Variants in HSD17B12 observed in about 807,000 individuals in gnomAD.
HSD17B12 encodes hydroxysteroid 17-beta dehydrogenase 12.
A neutral mutation model predicts 39.3 loss-of-function variants in HSD17B12; 32 were observed. The observed-to-expected ratio is 0.81, with a 90% CI of 0.61 to 1.09. The LOEUF is 1.09. HSD17B12 is among the 50% of genes least tolerant of loss of function. HSD17B12 has a pLI of 0.00. For synonymous variants in HSD17B12, 150 were observed against 146.7 expected (o/e 1.02, Z -0.16); for missense variants, 342 against 382.9 (o/e 0.89, Z 0.89).
chr11:43,777,104 C>T (rs918328237), intron 3 of HSD17B12, among the ~76,000 whole-genome samples: 2 of 152,060 alleles, frequency 1.3e-5, no homozygotes, highest in African/African-American at 4.8e-5. Flanking sequence ...TTTTTGGTTC[C>T]ATATGAATTT....
the HSD17B12 span, among the ~76,000 whole-genome samples, chr11:43,564,376 A>G: frequency 6.6e-6 from 1 of 152,226 alleles, no homozygotes; most frequent in African/African-American, 2.4e-5. Flanking sequence ...ATTTGCATAG[A>G]TTTGGGAAAT....
At chr11:43,659,192 C>G in the HSD17B12 span, among the ~76,000 whole-genome samples, 1 of 152,236 alleles carries the variant, frequency 6.6e-6, no homozygotes, top group Non-Finnish European at 1.5e-5. Flanking sequence ...CCCTCTGAGC[C>G]ATGTGCGGGA....
intron 1 of HSD17B12, among the ~76,000 whole-genome samples, chr11:43,731,045 G>A (rs1258121792): frequency 6.6e-6 from 1 of 151,860 alleles, no homozygotes; most frequent in East Asian, 1.9e-4. Context: ...CACCCAGGCT[G>A]GAGTACAGTG....
intron 1 of HSD17B12, among the ~76,000 whole-genome samples, chr11:43,737,013 C>T (rs1350347217): frequency 6.6e-6 from 1 of 152,220 alleles, no homozygotes; most frequent in Non-Finnish European, 1.5e-5. Flanking sequence ...TACCACCCTC[C>T]TCCCAAAGCC....
the HSD17B12 span, chr11:43,581,278 G>C: frequency 2.2e-6 from 1 of 460,590 alleles, no homozygotes; most frequent in Non-Finnish European, 4.5e-6. The surrounding 1 kb of genome is among the most constrained non-coding windows in gnomAD (Gnocchi z 4.9). Flanking sequence ...GCAGCGCGCG[G>C]AGTGGTGAGA....
the HSD17B12 span, among the ~76,000 whole-genome samples, chr11:43,600,587 T>C: frequency 6.6e-6 from 1 of 152,182 alleles, no homozygotes; most frequent in Admixed American, 6.6e-5. Context: ...TATATTTTGG[T>C]GTATGAGCTT....
intron 1 of HSD17B12, among the ~76,000 whole-genome samples, chr11:43,718,310 C>T (rs935762772): frequency 1.3e-5 from 2 of 152,188 alleles, no homozygotes; most frequent in African/African-American, 2.4e-5. Context: ...CTTCCACGTG[C>T]AGAATATACT....
chr11:43,755,407 A>G (rs1950499660), intron 3 of HSD17B12: 1 of 152,392 alleles, frequency 6.6e-6, no homozygotes, highest in East Asian at 1.9e-4. Context: ...GATGCATGCA[A>G]GAAAGACTGG....
chr11:43,648,710 G>A, the HSD17B12 span, among the ~76,000 whole-genome samples: 1 of 151,764 alleles, frequency 6.6e-6, no homozygotes, highest in East Asian at 1.9e-4. Flanking sequence ...AAATGTATGT[G>A]TCTGGATTTG....
intron 1 of HSD17B12, among the ~76,000 whole-genome samples, chr11:43,711,682 C>G (rs917088920): frequency 2.0e-5 from 3 of 151,794 alleles, no homozygotes; most frequent in African/African-American, 7.3e-5. Flanking sequence ...GCCTTGTTGC[C>G]CAGGTTGGTC....
At chr11:43,741,734 C>CTTTTT (rs534584200) in intron 1 of HSD17B12, among the ~76,000 whole-genome samples, 7 of 130,496 alleles carry the variant, frequency 5.4e-5, no homozygotes, top group South Asian at 2.4e-4. Context: ...TTTTCTTTTT[C>CTTTTT]TTTTTTTTTT....
chr11:43,683,245 C>G (rs78685512), intron 1 of HSD17B12, among the ~76,000 whole-genome samples: 9 of 151,664 alleles, frequency 5.9e-5, no homozygotes, highest in African/African-American at 1.9e-4. Flanking sequence ...AAGATTTGGC[C>G]CCAGAGGAAG....
chr11:43,854,319 C>G (rs1203667073), intron 9 of HSD17B12: 1 of 158,910 alleles, frequency 6.3e-6, no homozygotes, highest in Non-Finnish European at 1.4e-5. Context: ...TGGCATTATC[C>G]CATTAGAAGA....
chr11:43,558,334 T>C, the HSD17B12 span, among the ~76,000 whole-genome samples: 2 of 152,160 alleles, frequency 1.3e-5, no homozygotes, highest in East Asian at 3.9e-4. Flanking sequence ...CCCGCGTCTT[T>C]CACCCAGAGC....
the HSD17B12 span, among the ~76,000 whole-genome samples, chr11:43,583,131 C>A: frequency 6.6e-6 from 1 of 152,184 alleles, no homozygotes. Context: ...TCTCCCAAAG[C>A]CTGAACCTTC....
At chr11:43,590,506 ATTTT>A in the HSD17B12 span, among the ~76,000 whole-genome samples, 16 of 51,612 alleles carry the variant, frequency 3.1e-4, no homozygotes, top group Admixed American at 2.4e-3. Context: ...GGAGTGAGTG[ATTTT>A]TTTTTTTTTT....
the HSD17B12 span, among the ~76,000 whole-genome samples, chr11:43,557,459 A>C: frequency 3.5e-4 from 53 of 152,230 alleles, no homozygotes; most frequent in Non-Finnish European, 6.6e-4. Context: ...GAGCGGTAAT[A>C]TGTCTTGCAT....
At chr11:43,707,758 C>G (rs1393295164) in intron 1 of HSD17B12, among the ~76,000 whole-genome samples, 1 of 152,162 alleles carries the variant, frequency 6.6e-6, no homozygotes, top group Non-Finnish European at 1.5e-5. Context: ...TAATTAATCT[C>G]ACCTGTTATT....
intron 3 of HSD17B12, among the ~76,000 whole-genome samples, chr11:43,773,871 A>G (rs1363471442): frequency 6.6e-6 from 1 of 152,230 alleles, no homozygotes; most frequent in Non-Finnish European, 1.5e-5. Context: ...AATAGAAAGT[A>G]TATTTTTTGC....
Sources: allele counts gnomAD v4.1 joint callset (sites outside exome capture counted in the v4.1 genomes callset), GRCh38; gene constraint gnomAD v4.1.1; non-coding constraint Gnocchi (gnomAD v3.1); transcripts MANE v1.5; gene names NCBI Gene and HGNC (gene_info 2026-07-23, HGNC 2026-07-21).